NTM: variants seen among roughly 807,000 people sequenced by gnomAD.
NTM encodes neurotrimin.
A neutral mutation model predicts 42.1 loss-of-function variants in NTM; 13 were observed. That is an observed-to-expected ratio of 0.31 (90% CI 0.20 to 0.49). NTM has a LOEUF of 0.49. NTM is among the 20% of genes least tolerant of loss of function. The pLI, the probability that NTM is intolerant of heterozygous loss-of-function variation, is 0.99. For missense variants in NTM, 373 were observed against 452.8 expected (o/e 0.82, Z 1.60); for synonymous variants, 187 against 179.2 (o/e 1.04, Z -0.35).
chr11:132,154,564 T>C lies in NTM; in HGVS notation c.400+8050T>C, dbSNP rs181741230. ...TCTTAGCAAATAGAGGGTGTGGTAC[T>C]GGGTTTTGTGCTGTCATGGTGATGA... On this transcript the variant is annotated intron_variant, in intron 3 of 8. Coordinates refer to ENST00000683400, the MANE Select transcript of NTM (RefSeq NM_001352005.2). Among the ~76,000 whole-genome samples the C allele has an allele frequency of 1.6e-4, 25 of 152,300 alleles. No homozygotes were observed. The East Asian group carries it at 4.2e-3, about 26-fold the overall frequency.
At chr11:131,665,027 C>G (rs535968115) in intron 1 of NTM, among the ~76,000 whole-genome samples, 1 of 152,092 alleles carries the variant, frequency 6.6e-6, no homozygotes, top group African/African-American at 2.4e-5. Context: ...CGGATGGGTA[C>G]CCACCAAGCC....
At chr11:132,094,122 T>C (rs1443582389) in intron 2 of NTM, among the ~76,000 whole-genome samples, 1 of 152,248 alleles carries the variant, frequency 6.6e-6, no homozygotes, top group East Asian at 1.9e-4. Context: ...AACCCAGTGA[T>C]TGGCACAAGA....
At chr11:131,497,511 CCTTT>C (rs10603575) in intron 1 of NTM, among the ~76,000 whole-genome samples, 65,694 of 151,624 alleles carry the variant, frequency 0.43, 14,439 homozygotes, top group African/African-American at 0.48. Context: ...TCTAAGAGGC[CCTTT>C]CTGAGAGTCT....
chr11:132,099,312 G>A (rs1370129681), intron 2 of NTM, among the ~76,000 whole-genome samples: 1 of 152,174 alleles, frequency 6.6e-6, no homozygotes, highest in Non-Finnish European at 1.5e-5. Context: ...AAAGTGTCTT[G>A]GAGGTCTTCT....
intron 1 of NTM, among the ~76,000 whole-genome samples, chr11:131,524,500 C>T (rs189145507): frequency 2.6e-4 from 40 of 152,318 alleles, no homozygotes; most frequent in Admixed American, 2.2e-3. Flanking sequence ...ATCTTTAATC[C>T]ACCAGGGTCA....
intron 1 of NTM, among the ~76,000 whole-genome samples, chr11:131,889,877 A>G (rs1419796705): frequency 1.3e-5 from 2 of 152,292 alleles, no homozygotes; most frequent in Middle Eastern, 3.4e-3. Context: ...TCCAAAACCA[A>G]AGATGGATGT....
chr11:131,624,196 C>T (rs539262733), intron 1 of NTM, among the ~76,000 whole-genome samples: 32 of 152,244 alleles, frequency 2.1e-4, no homozygotes, highest in South Asian at 4.1e-4. Flanking sequence ...TAGTGCGGTC[C>T]GGCCTGGGTA....
At chr11:131,427,365 A>AG (rs1227757429) in intron 1 of NTM, among the ~76,000 whole-genome samples, 1 of 152,128 alleles carries the variant, frequency 6.6e-6, no homozygotes, top group Non-Finnish European at 1.5e-5. Context: ...ATTTGTGCTG[A>AG]GAAAAAAAAA....
At chr11:131,772,930 C>G (rs1273709537) in intron 1 of NTM, among the ~76,000 whole-genome samples, 3 of 152,130 alleles carry the variant, frequency 2.0e-5, no homozygotes, top group Non-Finnish European at 4.4e-5. Context: ...GATGAGTAGA[C>G]ATTTTTTAGA....
At chr11:131,664,609 C>T (rs113105230) in intron 1 of NTM, among the ~76,000 whole-genome samples, 11 of 152,040 alleles carry the variant, frequency 7.2e-5, no homozygotes, top group Non-Finnish European at 1.2e-4. Context: ...CCATACGTTG[C>T]GGTTCCCGTG....
At chr11:131,941,047 G>A (rs1309338270) in intron 2 of NTM, among the ~76,000 whole-genome samples, 2 of 152,202 alleles carry the variant, frequency 1.3e-5, no homozygotes, top group Non-Finnish European at 1.5e-5. Context: ...CACGTGGAGG[G>A]GTTAAAGGGG....
chr11:131,786,750 T>C (rs1304633501), intron 1 of NTM, among the ~76,000 whole-genome samples: 1 of 152,208 alleles, frequency 6.6e-6, no homozygotes, highest in Non-Finnish European at 1.5e-5. Flanking sequence ...AGGTTGTACC[T>C]GCAGGAGGCT....
intron 4 of NTM, among the ~76,000 whole-genome samples, chr11:132,233,884 C>G (rs1368480946): frequency 5.3e-5 from 8 of 152,222 alleles, no homozygotes; most frequent in Non-Finnish European, 1.0e-4. Context: ...TTCTCACATC[C>G]ATTCCAAATG....
At chr11:131,678,556 G>A (rs2071841876) in intron 1 of NTM, among the ~76,000 whole-genome samples, 1 of 152,202 alleles carries the variant, frequency 6.6e-6, no homozygotes, top group African/African-American at 2.4e-5. Context: ...GTGAGATGCA[G>A]GAAAGGCCTG....
intron 1 of NTM, among the ~76,000 whole-genome samples, chr11:131,658,635 T>G (rs925195190): frequency 1.3e-5 from 2 of 152,182 alleles, no homozygotes; most frequent in African/African-American, 2.4e-5. Context: ...CTTGCCCAGA[T>G]GCAAAGCCAC....
At chr11:131,527,729 C>G (rs432865) in intron 1 of NTM, among the ~76,000 whole-genome samples, 1 of 152,000 alleles carries the variant, frequency 6.6e-6, no homozygotes. Context: ...AGCATGCACT[C>G]AAATACACGG....
chr11:131,801,270 G>A (rs2092083459), intron 1 of NTM, among the ~76,000 whole-genome samples: 1 of 152,212 alleles, frequency 6.6e-6, no homozygotes, highest in Admixed American at 6.5e-5. Context: ...TTGTCCTTCT[G>A]AAGTGTAGGG....
chr11:132,004,605 TTCTCTCTCTCTCTC>T (rs71480226), intron 2 of NTM, among the ~76,000 whole-genome samples: 11 of 144,044 alleles, frequency 7.6e-5, no homozygotes, highest in Admixed American at 1.4e-4. Flanking sequence ...CTTTCTCTCT[TTCTCTCTCTCTCTC>T]TCTCTCTCTC....
intron 1 of NTM, among the ~76,000 whole-genome samples, chr11:131,815,818 C>T (rs1375024570): frequency 6.6e-6 from 1 of 152,166 alleles, no homozygotes; most frequent in Non-Finnish European, 1.5e-5. Context: ...TAAGCGGCTG[C>T]CTTTAATCTT....
Sources: gnomAD v4.1 joint callset for allele counts (sites outside exome capture counted in the v4.1 genomes callset) on GRCh38, gnomAD v4.1.1 for gene constraint, MANE v1.5 for transcripts, NCBI Gene and HGNC (gene_info 2026-07-23, HGNC 2026-07-21) for gene names.